Variants in ZNF701 observed in about 807,000 individuals in gnomAD.
The protein encoded by ZNF701 is zinc finger protein 701.
Under a neutral mutation model 7.1 loss-of-function variants are expected in ZNF701, and 6 were observed. The observed-to-expected ratio is 0.84, with a 90% CI of 0.46 to 1.66. ZNF701 has a LOEUF of 1.66. Among genes scored for constraint, ZNF701 ranks in the 40% most tolerant of loss-of-function variants. ZNF701 has a pLI of 0.01. For missense variants in ZNF701, 541 were observed against 559.2 expected (o/e 0.97, Z 0.33); for synonymous variants, 166 against 188.2 (o/e 0.88, Z 0.97).
rs2060017552 is a variant in ZNF701 at position 52,587,159 on chromosome 19, A to G, written c.*3702A>G. The stretch of plus-strand genomic sequence containing the variant: ...CATGTATTTTAAATATGGAAAATAA[A>G]TTACATTATTTGTAAGTGTTGTAAT... On this transcript the variant is annotated 3_prime_UTR_variant, in exon 4 of 4. Coordinates refer to ENST00000391785, the MANE Select transcript of ZNF701 (RefSeq NM_018260.3). The G allele has an allele frequency of 6.6e-6, 1 of 152,192 alleles. No homozygotes were observed. The allele number at this position is 152,192 out of a possible 1,614,324, so 9.4% of individuals were successfully genotyped here.
chr19:52,574,219 T>A, intron 2 of ZNF701, 57 bp downstream of exon 2: 1 of 1,596,968 alleles, frequency 6.3e-7, no homozygotes, highest in South Asian at 1.1e-5. Flanking sequence ...AATGCTGATC[T>A]TGGAGTTGGG....
At chr19:52,581,736 A>T (rs2059976986) in intron 3 of ZNF701, among the ~76,000 whole-genome samples, 1 of 152,234 alleles carries the variant, frequency 6.6e-6, no homozygotes, top group Non-Finnish European at 1.5e-5. Flanking sequence ...GACAATACAG[A>T]AATTCCATTG....
chr19:52,594,066 G>T, the ZNF701 span: 1 of 128,564 alleles, frequency 7.8e-6, no homozygotes, highest in Non-Finnish European at 1.6e-5. Flanking sequence ...CTGCAATCCC[G>T]GCACCTTGGG....
rs1007032281 is a variant in ZNF701 at position 52,574,014 on chromosome 19, A to G, written c.-71-63A>G. On this transcript the variant is annotated intron_variant, in intron 1 of 3. Transcript: ENST00000391785. ...GAGTGAGGGCACCTTTGTATGTGTC[A>G]TTGTGTTACAGGCAGGAGGTGTGTT... 5 of 1,534,366 alleles carry G rather than the reference A, an allele frequency of 3.3e-6. No individual in the cohort carries two copies. In the South Asian group the frequency reaches 5.7e-5, roughly 17 times the overall value.
At chr19:52,599,893 C>G in the ZNF701 span, among the ~76,000 whole-genome samples, 14 of 152,304 alleles carry the variant, frequency 9.2e-5, no homozygotes, top group Non-Finnish European at 1.6e-4. Flanking sequence ...TTCTCCCCCT[C>G]CCTCAGGATG....
intron 2 of ZNF701, among the ~76,000 whole-genome samples, chr19:52,575,541 C>A (rs1363029863): frequency 6.6e-6 from 1 of 150,498 alleles, no homozygotes; most frequent in Non-Finnish European, 1.5e-5. Context: ...TGCTTTGTTG[C>A]CCAGGCTAGA....
intron 3 of ZNF701, among the ~76,000 whole-genome samples, chr19:52,577,875 TGCTCCTCCCGTACTCCTG>T (rs2059945994): frequency 1.3e-5 from 2 of 152,102 alleles, no homozygotes; most frequent in Non-Finnish European, 2.9e-5. Flanking sequence ...TCTACTTTCA[TGCTCCTCCCGTACTCCTG>T]GCTCCTCTTT....
At position 52,576,118 on chromosome 19, in the gene ZNF701, A is replaced by G. The variant is rs1568501687; in HGVS notation, c.142+97A>G. 3.8e-6 allele frequency: 6 copies of G among 1,596,574 alleles called. 1 individual carries two copies. The highest frequency in any genetic ancestry group is 1.7e-4 in the Middle Eastern group (1 of 5,956). On this transcript the variant is annotated intron_variant, in intron 3 of 3. Coordinates refer to ENST00000391785, the MANE Select transcript of ZNF701 (RefSeq NM_018260.3). ...GGGAGCCACATCCTTGCTTGGCTAA[A>G]ATGGAAGCCGTATTGAGTTAGAAAT... is the stretch of plus-strand genomic sequence containing the variant.
chr19:52,589,740 C>T (rs964745015), downstream of ZNF701, among the ~76,000 whole-genome samples: 8 of 152,104 alleles, frequency 5.3e-5, no homozygotes, highest in Non-Finnish European at 8.8e-5. Context: ...TAATATCTTC[C>T]AACAGGCTTT....
intron 3 of ZNF701, among the ~76,000 whole-genome samples, chr19:52,578,546 C>G (rs1289375396): frequency 6.6e-6 from 1 of 152,192 alleles, no homozygotes; most frequent in Non-Finnish European, 1.5e-5. Flanking sequence ...TGTCTTATGT[C>G]TTTATTTATT....
the ZNF701 span, among the ~76,000 whole-genome samples, chr19:52,598,327 CTT>C: frequency 3.3e-5 from 5 of 152,264 alleles, no homozygotes; most frequent in East Asian, 9.7e-4. Flanking sequence ...CGTTTTTCCT[CTT>C]AAGTTGAAAA....
rs997992287 is a variant in ZNF701 at position 52,577,240 on chromosome 19, T to C, written c.142+1219T>C. On this transcript the variant is annotated intron_variant, in intron 3 of 3. Transcript: ENST00000391785. ...CCAGCTTCCTGAGTAGCTGGGACTG[T>C]AGGCGCTCACCACCATGCCCAGCTA... Among the ~76,000 whole-genome samples, 55 of 152,216 alleles carry C rather than the reference T, an allele frequency of 3.6e-4. 1 individual carries two copies. Among genetic ancestry groups the C allele is most frequent in the African/African-American group, 9.9e-4 (41 of 41,544 alleles).
At chr19:52,592,342 C>G in the ZNF701 span, 9 of 1,120,574 alleles carry the variant, frequency 8.0e-6, no homozygotes, top group Non-Finnish European at 1.1e-5. Flanking sequence ...ATGTACATGT[C>G]ATTGTTTTCT....
rs2059963877 is a variant in ZNF701, at chr19:52,579,855, CAG to C, written c.143-2344_143-2343del. ...CACCGTCGCACTCCAGCATGGGAGA[CAG>C]AGTGAGACTCCATCTCAAAATAAAT... is the stretch of plus-strand genomic sequence containing the variant. On this transcript the variant is annotated intron_variant, in intron 3 of 3. Coordinates refer to ENST00000391785, the MANE Select transcript of ZNF701 (RefSeq NM_018260.3). Among the ~76,000 whole-genome samples the C allele has an allele frequency of 2.3e-5, 3 of 132,048 alleles. No individual in the cohort carries two copies. In the South Asian group the frequency reaches 7.0e-4, roughly 31 times the overall value. 86.6% of individuals were successfully genotyped at this position (132,048 alleles called of 152,430 possible).
At chr19:52,588,625 T>A (rs76923148), downstream of ZNF701, 3 of 364,870 alleles carry the variant, frequency 8.2e-6, no homozygotes, top group Non-Finnish European at 1.6e-5. Flanking sequence ...TAAAGTGATA[T>A]TCCTCGGTGG....
chr19:52,597,225 CAT>C, the ZNF701 span: 9 of 553,244 alleles, frequency 1.6e-5, no homozygotes, highest in East Asian at 1.4e-4. Flanking sequence ...CTATGCAAAA[CAT>C]AGGAGAATTC....
the ZNF701 span, chr19:52,594,153 CA>C: frequency 2.5e-5 from 3 of 120,928 alleles, 1 homozygote; most frequent in Non-Finnish European, 5.3e-5. Flanking sequence ...CCGTCTCCAC[CA>C]AAAAAATACG....
At position 52,583,046 on chromosome 19, in the gene ZNF701, A is replaced by G. The variant is rs988820688; in HGVS notation, c.987A>G (p.Glu329=). 1.2e-6 allele frequency: 2 copies of G among 1,613,264 alleles called. No individual in the cohort carries two copies. The highest frequency in any genetic ancestry group is 4.5e-5 in the East Asian group (2 of 44,796). ...CTGGAGAGAAACCTTACAAATGTGA[A>G]GAATGTGACAAAGTTTTCAGTCGCA... The part of the protein sequence containing the change: ...VHTGEKPYKC[E]ECDKVFSRKS... Residue 329 remains glutamate (E), a synonymous_variant, in exon 4 of 4, where the codon GAA becomes GAG. Coordinates refer to ENST00000391785, the MANE Select transcript of ZNF701 (RefSeq NM_018260.3).
Position 52,583,310 on chromosome 19 carries a change from G to A in ZNF701, c.1251G>A (p.Lys417=), listed in dbSNP as rs2059989284. The change falls in exon 4 of 4, where the codon AAG becomes AAA. Residue 417 remains lysine, a synonymous_variant. Coordinates refer to ENST00000391785, the MANE Select transcript of ZNF701 (RefSeq NM_018260.3). ...GTTACAAGTGTAATGAATGTGGCAA[G>A]GTTTTTAATCACAAATCAAACCTTG... ...EKRYKCNECG[K]VFNHKSNLAC... The A allele has an allele frequency of 4.4e-6, 7 of 1,604,714 alleles. No homozygotes were observed. The highest frequency in any genetic ancestry group is 1.1e-5 in the South Asian group (1 of 90,576).
Sources: gnomAD v4.1 joint callset for allele counts (sites outside exome capture counted in the v4.1 genomes callset) on GRCh38, gnomAD v4.1.1 for gene constraint, MANE v1.5 for transcripts, NCBI Gene and HGNC (gene_info 2026-07-23, HGNC 2026-07-21) for gene names.